The following ELAC2 variants were observed in gnomAD, a reference collection of about 807,000 sequenced individuals.
The protein encoded by ELAC2 is elaC ribonuclease Z 2, also known as zinc phosphodiesterase ELAC protein 2.
In ELAC2, 92 loss-of-function variants were observed where a neutral mutation model predicts 105.2. The observed-to-expected ratio is 0.87, with a 90% CI of 0.74 to 1.04. ELAC2 has a LOEUF of 1.04. Among genes scored for constraint, ELAC2 ranks in the 50% least tolerant of loss-of-function variants. The pLI is 0.00. For missense variants in ELAC2, 1,099 were observed against 1,071.7 expected (o/e 1.03, Z -0.36); for synonymous variants, 468 against 409.1 (o/e 1.14, Z -1.74).
chr17:13,005,232 T>A (rs1216543599), intron 10 of ELAC2, 131 bp from the exon 11 acceptor site: 1 of 743,750 alleles, frequency 1.3e-6, no homozygotes, highest in Non-Finnish European at 2.4e-6. Flanking sequence ...CAAAACCAAC[T>A]TTACACATCA....
chr17:13,011,318 T>TTTCCA (rs1318452514), intron 7 of ELAC2, among the ~76,000 whole-genome samples: 1 of 152,218 alleles, frequency 6.6e-6, no homozygotes, highest in Non-Finnish European at 1.5e-5. Context: ...GCAGTTATAG[T>TTTCCA]TTCCACATTA....
rs562479018 is a variant in ELAC2, at chr17:12,991,976, C to T, written c.*842G>A. Among the ~76,000 whole-genome samples the T allele has an allele frequency of 6.6e-5, 10 of 152,154 alleles. No individual in the cohort carries two copies. In the South Asian group the frequency reaches 2.1e-3, roughly 31 times the overall value. Reference sequence around the variant, plus strand: ...GAAACCAGCCCCGTGTGCCATTTCTCAAAACCTTCGAGGGCAAAGTGATCC... The same window carrying T: ...GAAACCAGCCCCGTGTGCCATTTCTTAAAACCTTCGAGGGCAAAGTGATCC... On this transcript the variant is annotated 3_prime_UTR_variant, in exon 24 of 24. Transcript: ENST00000338034.
intron 11 of ELAC2, among the ~76,000 whole-genome samples, chr17:13,004,617 C>T (rs1047691594): frequency 1.3e-5 from 2 of 152,206 alleles, no homozygotes; most frequent in Non-Finnish European, 2.9e-5. Context: ...CTCTGACCCA[C>T]CTCATTTGTT....
In ELAC2 at chr17:13,001,522, A is replaced by T. The variant is rs185480325; in HGVS notation, c.1304+752T>A. ...AAATAAATAAATAAATAAAATAAAT[A>T]AATTAATTAATTAAAATAAAGATGT... On this transcript the variant is annotated intron_variant, in intron 14 of 23. Coordinates refer to ENST00000338034, the MANE Select transcript of ELAC2 (RefSeq NM_018127.7). Among the ~76,000 whole-genome samples, 1,227 of 150,590 alleles carry T rather than the reference A, an allele frequency of 8.1e-3. 9 individuals carry two copies. The highest frequency in any genetic ancestry group is 0.025 in the African/African-American group (1,045 of 41,232).
chr17:13,012,892 C>T (rs1456728590), intron 6 of ELAC2, among the ~76,000 whole-genome samples: 1 of 152,102 alleles, frequency 6.6e-6, no homozygotes, highest in Non-Finnish European at 1.5e-5. Flanking sequence ...ATCGTCTGAT[C>T]AAAAGAGGGT....
At chr17:13,006,216 C>T (rs1213755350) in intron 8 of ELAC2, 5 of 494,656 alleles carry the variant, frequency 1.0e-5, no homozygotes, top group African/African-American at 9.8e-5. Flanking sequence ...ACTAAAAATA[C>T]AAAATTGGCC....
In ELAC2 at chr17:13,005,763, T is replaced by C; in HGVS notation, c.860A>G (p.Glu287Gly). 1.2e-6 allele frequency: 2 copies of C among 1,614,138 alleles called. No homozygotes were observed. The highest frequency in any genetic ancestry group is 2.2e-5 in the South Asian group (2 of 91,084). ...AACCAGGCATCTCACCTCTCTTCCTTCATGAGTGATGCTTTTCCCGTCCTT... is the reference window on the plus strand; with the variant it reads ...AACCAGGCATCTCACCTCTCTTCCTCCATGAGTGATGCTTTTCCCGTCCTT... ...AVKDGKSITH[E>G]GREILAEELC... The change falls in exon 10 of 24, where the codon GAA (glutamate) becomes GGA (glycine). Residue 287 changes from glutamate to glycine, a missense_variant. By Grantham distance (98) the Glu-to-Gly change is moderately conservative. Coordinates refer to ENST00000338034, the MANE Select transcript of ELAC2 (RefSeq NM_018127.7).
In ELAC2 at chr17:13,005,782, C is replaced by T. The variant is rs147215643; in HGVS notation, c.841G>A (p.Gly281Arg). The change falls in exon 10 of 24, where the codon GGG (glycine) becomes AGG (arginine). Residue 281 changes from glycine to arginine, a missense_variant. Gly to Arg is a moderately radical substitution (Grantham distance 125, BLOSUM62 -2). Transcript: ENST00000338034. ...CTTCCTTCATGAGTGATGCTTTTCC[C>T]GTCCTTGACAGCAGCAATGATGGGA... ...IAPIIAAVKD[G>R]KSITHEGREI... 38 of 1,614,020 alleles carry T rather than the reference C, an allele frequency of 2.4e-5. No homozygotes were observed. The highest frequency in any genetic ancestry group is 5.3e-5 in the African/African-American group (4 of 74,908).
At chr17:13,016,839 G>A (rs1431308946) in intron 3 of ELAC2, 23 bp downstream of exon 3, 1 of 1,612,314 alleles carries the variant, frequency 6.2e-7, no homozygotes, top group East Asian at 2.2e-5. Flanking sequence ...ACCAGCCTCT[G>A]ACACTGCAAA....
chr17:13,013,826 C>T (rs555460067), intron 5 of ELAC2, among the ~76,000 whole-genome samples: 37 of 152,086 alleles, frequency 2.4e-4, no homozygotes, highest in Non-Finnish European at 5.0e-4. Context: ...GAACCCTTGT[C>T]ACCCCCGCCC....
At chr17:13,003,385 G>C (rs905146566) in intron 12 of ELAC2, 94 bp downstream of exon 12, 8 of 1,149,130 alleles carry the variant, frequency 7.0e-6, no homozygotes, top group African/African-American at 6.1e-5. Context: ...GTGCAGAAGG[G>C]TAGGTAGCGC....
rs1386752344 is a variant in ELAC2 at position 12,992,445 on chromosome 17, A to G, written c.*373T>C. 4.8e-6 allele frequency: 2 copies of G among 414,676 alleles called. No homozygotes were observed. The highest frequency in any genetic ancestry group is 4.5e-6 in the Non-Finnish European group (1 of 224,014). 25.7% of individuals were successfully genotyped at this position (414,676 alleles called of 1,614,324 possible). A position where few individuals can be genotyped will look rare whatever the true frequency, so the allele number is the denominator to read the frequency against. On this transcript the variant is annotated 3_prime_UTR_variant, in exon 24 of 24. Coordinates refer to ENST00000338034, the MANE Select transcript of ELAC2 (RefSeq NM_018127.7). ...ATACTATTTTCGTTAAGTCTCGGAC[A>G]CTTAGACCCACTGATCCTGTTACTC...
At chr17:13,003,851 AC>A (rs1276257622) in intron 11 of ELAC2, 1 of 458,262 alleles carries the variant, frequency 2.2e-6, no homozygotes, top group African/African-American at 2.0e-5. Flanking sequence ...CTTCCTTCCT[AC>A]CCTCTCCACT....
In ELAC2 at chr17:13,010,637, G is replaced by T; in HGVS notation, c.714C>A (p.Ser238=). 6.2e-7 allele frequency: 1 copy of T among 1,614,082 alleles called. No homozygotes were observed. The highest frequency in any genetic ancestry group is 8.5e-7 in the Non-Finnish European group (1 of 1,180,034). ...VSQRRGVRDS[S]LVVAFICKLH... ...CCTTACAGATGAAAGCTACGACCAG[G>T]GAAGAGTCCCTGACCCCTCTTCTCT... The change falls in exon 8 of 24, where the codon TCC becomes TCA. Residue 238 remains serine (S), a synonymous_variant. Coordinates refer to ENST00000338034, the MANE Select transcript of ELAC2 (RefSeq NM_018127.7).
chr17:13,017,856 C>G lies in ELAC2; in HGVS notation c.92G>C (p.Arg31Pro). The G allele has an allele frequency of 6.4e-7, 1 of 1,564,748 alleles. No individual in the cohort carries two copies. Among genetic ancestry groups the G allele is most frequent in the Non-Finnish European group, 8.6e-7 (1 of 1,157,198 alleles). ...TISQAPARRE[R>P]PRKDPLRHLR... ...GTGCCGCAGCGGGTCCTTGCGCGGCCGCTCGCGGCGGGCGGGTGCCTGCGA... is the reference window on the plus strand; with the variant it reads ...GTGCCGCAGCGGGTCCTTGCGCGGCGGCTCGCGGCGGGCGGGTGCCTGCGA... Residue 31 changes from arginine to proline, a missense_variant, in exon 1 of 24, where the codon CGG becomes CCG. By Grantham distance (103) the Arg-to-Pro change is moderately radical. Transcript: ENST00000338034.
intron 23 of ELAC2, 21 bp from the exon 24 acceptor site, chr17:12,993,066 C>A: frequency 6.3e-7 from 1 of 1,599,314 alleles, no homozygotes; most frequent in Non-Finnish European, 8.5e-7. Flanking sequence ...CAATAGAAGA[C>A]AAGGACATGT....
Position 12,992,127 on chromosome 17 carries a change from T to TTGATTTGA in ELAC2, c.*690_*691insTCAAATCA, listed in dbSNP as rs1555570725. Among the ~76,000 whole-genome samples, 1 of 150,646 alleles carries TTGATTTGA rather than the reference T, an allele frequency of 6.6e-6. No individual in the cohort carries two copies. Among genetic ancestry groups the TTGATTTGA allele is most frequent in the African/African-American group, 2.5e-5 (1 of 40,744 alleles). On this transcript the variant is annotated 3_prime_UTR_variant, in exon 24 of 24. Transcript: ENST00000338034. ...GCCCAGCCAGGCTCTCACTGATTGA[T>TTGATTTGA]TTGATTGATTGATTGATTGATTGAT...
At chr17:13,005,168 G>C in intron 10 of ELAC2, 67 bp from the exon 11 acceptor site, 1 of 1,102,838 alleles carries the variant, frequency 9.1e-7, no homozygotes. Context: ...CTGCCTTCAA[G>C]GCAACTGCTA....
chr17:12,999,361 C>G (rs2040639676), intron 15 of ELAC2, among the ~76,000 whole-genome samples: 1 of 152,222 alleles, frequency 6.6e-6, no homozygotes, highest in Admixed American at 6.5e-5. Context: ...AAGGGGGAAA[C>G]AGGCTCAGAC....
Sources: gnomAD v4.1 joint callset for allele counts (sites outside exome capture counted in the v4.1 genomes callset) on GRCh38, gnomAD v4.1.1 for gene constraint, MANE v1.5 for transcripts, NCBI Gene and HGNC (gene_info 2026-07-23, HGNC 2026-07-21) for gene names.